Variants in UBA3 observed in about 807,000 individuals in gnomAD.
UBA3 encodes the protein NEDD8-activating enzyme E1 catalytic subunit.
UBA3 carries 26 observed loss-of-function variants against 73.5 expected under a neutral mutation model. The ratio of observed to expected loss-of-function variants is 0.35; its 90% confidence interval spans 0.26 to 0.49. The LOEUF is 0.49. Ranked by LOEUF, UBA3 falls within the 20% of genes least tolerant of loss-of-function variation. UBA3 has a pLI of 0.98. For synonymous variants in UBA3, 217 were observed against 191.2 expected (o/e 1.13, Z -1.11); for missense variants, 495 against 555.6 (o/e 0.89, Z 1.10).
intron 11 of UBA3, 84 bp from the exon 12 acceptor site, chr3:69,057,393 C>T: frequency 7.9e-7 from 1 of 1,273,144 alleles, no homozygotes; most frequent in Non-Finnish European, 1.1e-6. Context: ...TTATTAAATA[C>T]CATTTTCTAA....
Position 69,061,802 on chromosome 3 carries a change from T to G in UBA3, c.910+12A>C, listed in dbSNP as rs1313376104. ...TCCCAACATCATAATTCATGACAATTTGCTGACTTACCTTGAGTGAGCCTA... is the reference window on the plus strand; with the variant it reads ...TCCCAACATCATAATTCATGACAATGTGCTGACTTACCTTGAGTGAGCCTA... On this transcript the variant is annotated intron_variant, in intron 11 of 17. Coordinates refer to ENST00000361055, the MANE Select transcript of UBA3 (RefSeq NM_003968.4). 2 of 1,529,630 alleles carry G rather than the reference T, an allele frequency of 1.3e-6. No homozygotes were observed. The highest frequency in any genetic ancestry group is 1.8e-6 in the Non-Finnish European group (2 of 1,120,436). The allele number at this position is 1,529,630 out of a possible 1,614,324, so 94.8% of individuals were successfully genotyped here.
chr3:69,059,614 G>A (rs114035756), intron 11 of UBA3, among the ~76,000 whole-genome samples: 152 of 152,220 alleles, frequency 1.0e-3, no homozygotes, highest in African/African-American at 3.5e-3. Flanking sequence ...AGAAGAACTT[G>A]GTGTGTTCAA....
rs757769324 is a variant in UBA3 at position 69,075,444 on chromosome 3, G to A, written c.250C>T (p.Leu84Phe). The A allele has an allele frequency of 5.2e-6, 8 of 1,548,662 alleles. No individual in the cohort carries two copies. In the Admixed American group the frequency reaches 1.2e-4, roughly 23 times the overall value. Residue 84 changes from leucine to phenylalanine, a missense_variant, in exon 4 of 18, where the codon CTC becomes TTC. Leu to Phe is a conservative substitution (Grantham distance 22). Coordinates refer to ENST00000361055, the MANE Select transcript of UBA3 (RefSeq NM_003968.4). ...ATATATATTACCAGATTTTTCAGGA[G>A]CTCACATCCTAAGCCGCCAGCTCCA... ...VIGAGGLGCE[L>F]LKNLALSGFR...
intron 11 of UBA3, among the ~76,000 whole-genome samples, chr3:69,057,963 T>C (rs2091989591): frequency 6.8e-6 from 1 of 146,538 alleles, no homozygotes; most frequent in Admixed American, 6.8e-5. Context: ...TCTCGCTCTG[T>C]CGCCCAGGCT....
rs142178157 is a variant in UBA3 at position 69,066,836 on chromosome 3, A to G, written c.428+1092T>C. ...ATGGATATGAAATTGCTCCAGTACGATTTGTTGAAGACTATGCTTCTTCCA... is the reference window on the plus strand; with the variant it reads ...ATGGATATGAAATTGCTCCAGTACGGTTTGTTGAAGACTATGCTTCTTCCA... On this transcript the variant is annotated intron_variant, in intron 6 of 17. Transcript: ENST00000361055. Among the ~76,000 whole-genome samples the G allele has an allele frequency of 5.2e-3, 788 of 152,272 alleles. 8 individuals are homozygous for G. Among genetic ancestry groups the G allele is most frequent in the African/African-American group, 0.018 (755 of 41,556 alleles).
At position 69,077,866 on chromosome 3, in the gene UBA3, T is replaced by C; in HGVS notation, c.115A>G (p.Asn39Asp). ...CGCTCGAGGAACTTCTTTACATGGT[T>C]CCAGCGACCTTCCCAGTCTCCAGTG... The part of the protein sequence containing the change: ...GDTGDWEGRW[N>D]HVKKFLERSG... The change falls in exon 3 of 18, where the codon AAC (asparagine) becomes GAC (aspartate). Residue 39 changes from asparagine to aspartate, a missense_variant. By Grantham distance (23) the Asn-to-Asp change is conservative. Transcript: ENST00000361055. 6.2e-7 allele frequency: 1 copy of C among 1,614,126 alleles called. No homozygotes were observed. The highest frequency in any genetic ancestry group is 8.5e-7 in the Non-Finnish European group (1 of 1,180,026).
chr3:69,056,478 T>C (rs1199973720), intron 14 of UBA3, 134 bp downstream of exon 14: 2 of 880,800 alleles, frequency 2.3e-6, no homozygotes. Flanking sequence ...TTTCAGGCTA[T>C]AAAGCAAAAG....
At chr3:69,075,379 A>T in intron 4 of UBA3, 51 bp downstream of exon 4, 1 of 892,404 alleles carries the variant, frequency 1.1e-6, no homozygotes, top group Non-Finnish European at 1.5e-6. Flanking sequence ...AGTAAGGTTT[A>T]CTTATCACAA....
At position 69,077,890 on chromosome 3, in the gene UBA3, T is replaced by C. The variant is rs769908471; in HGVS notation, c.91A>G (p.Thr31Ala). Residue 31 changes from threonine (T) to alanine (A), a missense_variant, in exon 3 of 18, where the codon ACT (threonine) becomes GCT (alanine). Transcript: ENST00000361055. ...KMAVDGGCGD[T>A]GDWEGRWNHV... is the part of the protein sequence containing the mutation. ...TTCCAGCGACCTTCCCAGTCTCCAG[T>C]GTCCCCACACCCACCATCAACAGCC... is the stretch of plus-strand genomic sequence containing the variant. 1.2e-6 allele frequency: 2 copies of C among 1,613,984 alleles called. No homozygotes were observed. The highest frequency in any genetic ancestry group is 1.7e-6 in the Non-Finnish European group (2 of 1,180,012).
intron 11 of UBA3, among the ~76,000 whole-genome samples, chr3:69,060,281 T>G (rs575252338): frequency 2.0e-5 from 3 of 150,400 alleles, no homozygotes; most frequent in Admixed American, 6.6e-5. Context: ...ACTTGGATAT[T>G]AAGAAAAACA....
Position 69,056,709 on chromosome 3 carries a change from G to T in UBA3, c.1002-16C>A. 1 of 1,611,484 alleles carries T rather than the reference G, an allele frequency of 6.2e-7. No individual in the cohort carries two copies. The highest frequency in any genetic ancestry group is 1.1e-5 in the South Asian group (1 of 90,698). ...AATGTATGCACTGTAATGAAAAAAT[G>T]TTCATCTTTATATAATTAAACCAAG... On this transcript the variant is annotated splice_polypyrimidine_tract_variant and intron_variant, in intron 13 of 17. Coordinates refer to ENST00000361055, the MANE Select transcript of UBA3 (RefSeq NM_003968.4).
Position 69,074,504 on chromosome 3 carries a change from C to T in UBA3, c.264+926G>A, listed in dbSNP as rs74734332. ...AGTTTTTACAACTTCACTCAAGCGA[C>T]ATTAGTGTTTCTTAACAAAATTAAT... On this transcript the variant is annotated intron_variant, in intron 4 of 17. Coordinates refer to ENST00000361055, the MANE Select transcript of UBA3 (RefSeq NM_003968.4). 3.9e-5 allele frequency among the ~76,000 whole-genome samples: 6 copies of T among 152,326 alleles called. No individual in the cohort carries two copies. The East Asian group carries it at 1.2e-3, about 29-fold the overall frequency.
At chr3:69,069,947 C>T (rs1483028330) in intron 5 of UBA3, among the ~76,000 whole-genome samples, 2 of 152,180 alleles carry the variant, frequency 1.3e-5, no homozygotes, top group Non-Finnish European at 2.9e-5. Flanking sequence ...GATTGCTCCA[C>T]CTCAATAAAA....
At chr3:69,068,645 C>A (rs1447137282) in intron 5 of UBA3, among the ~76,000 whole-genome samples, 1 of 151,600 alleles carries the variant, frequency 6.6e-6, no homozygotes, top group South Asian at 2.1e-4. Flanking sequence ...TGCAGTGGTG[C>A]GATCTCGGCT....
intron 7 of UBA3, 61 bp downstream of exon 7, chr3:69,064,007 T>A: frequency 7.1e-7 from 1 of 1,413,724 alleles, no homozygotes; most frequent in Middle Eastern, 1.8e-4. Context: ...AATATTTGAA[T>A]AGCTACCAAC....
At chr3:69,056,482 G>A in intron 14 of UBA3, 130 bp downstream of exon 14, 1 of 887,506 alleles carries the variant, frequency 1.1e-6, no homozygotes, top group Non-Finnish European at 1.7e-6. Flanking sequence ...AGGCTATAAA[G>A]CAAAAGATAT....
At chr3:69,076,202 A>C (rs907435640) in intron 3 of UBA3, among the ~76,000 whole-genome samples, 1 of 152,194 alleles carries the variant, frequency 6.6e-6, no homozygotes, top group Non-Finnish European at 1.5e-5. Context: ...ACAGAGGATC[A>C]AGCACTGCCC....
At chr3:69,071,162 G>A (rs552902968) in intron 5 of UBA3, 4 of 161,564 alleles carry the variant, frequency 2.5e-5, no homozygotes, top group Non-Finnish European at 5.4e-5. Flanking sequence ...ACAAATCCCT[G>A]CCAATCTCTC....
intron 4 of UBA3, among the ~76,000 whole-genome samples, chr3:69,071,965 AT>A (rs1437445618): frequency 2.0e-5 from 3 of 152,094 alleles, no homozygotes; most frequent in African/African-American, 7.2e-5. Context: ...GCTTGCTATT[AT>A]TTTTTCAAAA....
Sources: gnomAD v4.1 joint callset for allele counts (sites outside exome capture counted in the v4.1 genomes callset) on GRCh38, gnomAD v4.1.1 for gene constraint, MANE v1.5 for transcripts, NCBI Gene and HGNC (gene_info 2026-07-23, HGNC 2026-07-21) for gene names.